Variants in PCNX1 observed in about 807,000 individuals in gnomAD.
The protein encoded by PCNX1 is pecanex-like protein 1.
Under a neutral mutation model 242.2 loss-of-function variants are expected in PCNX1, and 78 were observed. The ratio of observed to expected loss-of-function variants is 0.32; its 90% CI spans 0.27 to 0.39. The LOEUF (loss-of-function observed/expected upper bound fraction) is 0.39. PCNX1 is among the 10% of genes least tolerant of loss of function. The pLI is 1.00. For missense variants in PCNX1, 2,581 were observed against 2,856.5 expected (o/e 0.90, Z 2.20); for synonymous variants, 1,024 against 1,032.9 (o/e 0.99, Z 0.17).
intron 5 of PCNX1, among the ~76,000 whole-genome samples, chr14:70,974,238 T>G (rs1354115080): frequency 1.3e-5 from 2 of 151,006 alleles, no homozygotes; most frequent in South Asian, 2.1e-4. Context: ...TGTGGTTTTT[T>G]TTGTTGTTTT....
intron 28 of PCNX1, among the ~76,000 whole-genome samples, chr14:71,087,334 A>G (rs966183859): frequency 6.6e-6 from 1 of 152,244 alleles, no homozygotes; most frequent in Non-Finnish European, 1.5e-5. Flanking sequence ...CAACTAGGAT[A>G]TCTCTAACAC....
chr14:71,109,047 G>C lies in PCNX1; in HGVS notation c.6744+1G>C. On this transcript the variant is annotated splice_donor_variant, in intron 34 of 35. Transcript: ENST00000304743. LOFTEE classifies it high-confidence loss of function. ...GGCAGAAGTGATTTACAGAGTCCAA[G>C]TAAGTAAGCCCAGAGGTGGTCTTGT... 1 of 1,605,374 alleles carries C rather than the reference G, an allele frequency of 6.2e-7. No homozygotes were observed. The highest frequency in any genetic ancestry group is 8.5e-7 in the Non-Finnish European group (1 of 1,174,742).
At chr14:70,986,525 A>G (rs979861496) in intron 6 of PCNX1, among the ~76,000 whole-genome samples, 2 of 152,242 alleles carry the variant, frequency 1.3e-5, no homozygotes, top group Admixed American at 1.3e-4. Context: ...TCACCCCAGT[A>G]CTATGGAATA....
At chr14:70,989,267 T>G (rs1191733356) in intron 7 of PCNX1, among the ~76,000 whole-genome samples, 29 of 151,692 alleles carry the variant, frequency 1.9e-4, no homozygotes, top group Admixed American at 1.9e-3. Context: ...TGTGGTCAAT[T>G]GGAGAGAGAT....
chr14:70,966,027 C>G (rs1012637326), intron 3 of PCNX1, among the ~76,000 whole-genome samples: 1 of 152,146 alleles, frequency 6.6e-6, no homozygotes, highest in South Asian at 2.1e-4. Flanking sequence ...TTAAAATAAT[C>G]TATGTCATAA....
In PCNX1 at chr14:70,977,847, G is replaced by C. The variant is rs190499060; in HGVS notation, c.1510G>C (p.Asp504His). The change falls in exon 6 of 36, where the codon GAC becomes CAC. Residue 504 changes from aspartate to histidine, a missense_variant. Around this residue, in one of 9 missense-constraint regions of PCNX1, gnomAD observed 1,204 missense variants for 1,216.7 expected, o/e 0.99. Transcript: ENST00000304743. ...TGCAAATGAATTTACTTCCCAAGGG[G>C]ACAGACCACCTGGGAACACTGCAGA... Reference protein sequence around the residue: ...PHANEFTSQGDRPPGNTAENK... With the variant: ...PHANEFTSQGHRPPGNTAENK... 2 of 1,614,144 alleles carry C rather than the reference G, an allele frequency of 1.2e-6. No individual in the cohort carries two copies. The highest frequency in any genetic ancestry group is 1.3e-5 in the African/African-American group (1 of 75,028).
At chr14:71,012,557 C>T (rs777953716) in intron 10 of PCNX1, 12 of 216,304 alleles carry the variant, frequency 5.5e-5, no homozygotes, top group Non-Finnish European at 7.4e-5. Context: ...GTAGGCTGGG[C>T]GCAGTGGCTC....
intron 18 of PCNX1, among the ~76,000 whole-genome samples, chr14:71,034,338 T>G (rs2060471378): frequency 6.6e-6 from 1 of 152,152 alleles, no homozygotes; most frequent in Non-Finnish European, 1.5e-5. Flanking sequence ...GACTAGGATC[T>G]GAAAGATTAG....
chr14:71,089,485 A>C, intron 30 of PCNX1, 143 bp downstream of exon 30: 2 of 610,334 alleles, frequency 3.3e-6, no homozygotes, highest in Non-Finnish European at 5.4e-6. Context: ...TAATTGACTC[A>C]CAGTTCCACA....
chr14:70,955,259 T>G (rs1435181943), intron 2 of PCNX1, among the ~76,000 whole-genome samples: 2 of 152,230 alleles, frequency 1.3e-5, no homozygotes. Context: ...GCTTATGATA[T>G]TGTAAACTAC....
At chr14:70,935,249 T>C (rs75612455) in intron 1 of PCNX1, among the ~76,000 whole-genome samples, 2,152 of 152,276 alleles carry the variant, frequency 0.014, 24 homozygotes, top group Middle Eastern at 0.034. Flanking sequence ...TCAGTGCTCT[T>C]AAAAAAGAAA....
At chr14:70,935,016 C>T (rs1274916171) in intron 1 of PCNX1, among the ~76,000 whole-genome samples, 1 of 151,908 alleles carries the variant, frequency 6.6e-6, no homozygotes, top group Non-Finnish European at 1.5e-5. Context: ...GCACTTTTAC[C>T]CCCTTTGGGA....
intron 33 of PCNX1, among the ~76,000 whole-genome samples, chr14:71,107,926 A>C (rs937545191): frequency 2.0e-5 from 3 of 152,242 alleles, no homozygotes; most frequent in Non-Finnish European, 4.4e-5. Flanking sequence ...TAAGCTAGTT[A>C]ACCTATCCAT....
chr14:70,988,757 T>G, intron 7 of PCNX1, 58 bp downstream of exon 7: 1 of 1,545,182 alleles, frequency 6.5e-7, no homozygotes, highest in Non-Finnish European at 8.9e-7. Context: ...TTCTAATCTG[T>G]TCCGCCAGTC....
chr14:71,030,460 T>C (rs1288542245), intron 16 of PCNX1, among the ~76,000 whole-genome samples: 1 of 152,168 alleles, frequency 6.6e-6, no homozygotes, highest in African/African-American at 2.4e-5. Flanking sequence ...CCAGGCTGTC[T>C]GGCCACCTCT....
intron 24 of PCNX1, among the ~76,000 whole-genome samples, chr14:71,054,724 T>A (rs1386982957): frequency 6.6e-6 from 1 of 152,182 alleles, no homozygotes; most frequent in Non-Finnish European, 1.5e-5. Context: ...GCCGTTGTAC[T>A]TCAGAAGGCA....
At chr14:71,045,593 A>G (rs928687721) in intron 20 of PCNX1, among the ~76,000 whole-genome samples, 2 of 151,338 alleles carry the variant, frequency 1.3e-5, no homozygotes, top group Non-Finnish European at 3.0e-5. Context: ...TCCTGACCCT[A>G]CTCTTCCCCC....
chr14:71,000,071 AAAT>A (rs1478309769), intron 8 of PCNX1, among the ~76,000 whole-genome samples: 1 of 152,206 alleles, frequency 6.6e-6, no homozygotes, highest in Non-Finnish European at 1.5e-5. Context: ...GAGTACAAAA[AAAT>A]AATAAATTCT....
intron 26 of PCNX1, among the ~76,000 whole-genome samples, chr14:71,071,583 T>A (rs575612229): frequency 3.6e-4 from 55 of 152,130 alleles, no homozygotes; most frequent in Non-Finnish European, 7.1e-4. Context: ...TGCTCCAGCA[T>A]GTAAAATGTG....
Sources: allele counts gnomAD v4.1 joint callset (sites outside exome capture counted in the v4.1 genomes callset), GRCh38; gene constraint gnomAD v4.1.1; regional missense constraint gnomAD v4.1.1; transcripts MANE v1.5; gene names NCBI Gene and HGNC (gene_info 2026-07-23, HGNC 2026-07-21).